The following WNT3 variants were observed in gnomAD, a reference collection of about 807,000 sequenced individuals.
WNT3 encodes Wnt family member 3.
WNT3 carries 7 observed loss-of-function variants against 34.2 expected under a neutral mutation model. The ratio of observed to expected loss-of-function variants is 0.20; its 90% CI spans 0.12 to 0.38. WNT3 has a LOEUF of 0.38. WNT3 is among the 10% of genes least tolerant of loss of function. WNT3 has a pLI of 1.00. For synonymous variants in WNT3, 212 were observed against 211.5 expected, an observed-to-expected ratio of 1.00 and a Z score of -0.02; for missense variants, 267 against 499.8, an observed-to-expected ratio of 0.53 and a Z score of 4.44.
intron 1 of WNT3, among the ~76,000 whole-genome samples, chr17:46,799,464 T>C (rs1194443184): frequency 1.6e-4 from 17 of 105,130 alleles, no homozygotes; most frequent in Non-Finnish European, 2.4e-4. Context: ...TTTTTTTTTT[T>C]CGAGATGGAG....
intron 1 of WNT3, among the ~76,000 whole-genome samples, chr17:46,800,107 C>T: frequency 6.6e-6 from 1 of 151,914 alleles, no homozygotes; most frequent in Non-Finnish European, 1.5e-5. Flanking sequence ...AACAGAATTC[C>T]TATTTATTTA....
intron 1 of WNT3, among the ~76,000 whole-genome samples, chr17:46,791,865 C>T (rs879327787): frequency 6.6e-5 from 10 of 152,136 alleles, no homozygotes; most frequent in South Asian, 2.1e-4. Context: ...CACAGCGAGA[C>T]GCTGTCTCTA....
intron 4 of WNT3, among the ~76,000 whole-genome samples, chr17:46,765,790 C>G (rs2059307281): frequency 6.6e-6 from 1 of 152,234 alleles, no homozygotes; most frequent in Non-Finnish European, 1.5e-5. Context: ...CTGGGCCAGG[C>G]CCTTCATGTG....
chr17:46,794,152 A>G (rs897623773), intron 1 of WNT3, among the ~76,000 whole-genome samples: 1 of 151,988 alleles, frequency 6.6e-6, no homozygotes, highest in Non-Finnish European at 1.5e-5. Flanking sequence ...GAAGGAGGAC[A>G]TAGAACAGGG....
chr17:46,784,614 G>A (rs1196924874), intron 1 of WNT3, among the ~76,000 whole-genome samples: 1 of 152,078 alleles, frequency 6.6e-6, no homozygotes, highest in Non-Finnish European at 1.5e-5. Flanking sequence ...GGGCTCTCCC[G>A]AAACCTCAGC....
chr17:46,774,350 ACG>A (rs752128701), intron 1 of WNT3, among the ~76,000 whole-genome samples: 1 of 152,204 alleles, frequency 6.6e-6, no homozygotes, highest in Middle Eastern at 3.4e-3. Flanking sequence ...CTCATGGGAC[ACG>A]CGCGCGCGCG....
At chr17:46,771,987 G>A (rs972603610) in intron 2 of WNT3, among the ~76,000 whole-genome samples, 1 of 150,184 alleles carries the variant, frequency 6.7e-6, no homozygotes, top group African/African-American at 2.4e-5. Flanking sequence ...CCCCAGACTC[G>A]CGGAAGACGC....
intron 1 of WNT3, among the ~76,000 whole-genome samples, chr17:46,788,730 A>G (rs980757993): frequency 1.3e-5 from 2 of 151,794 alleles, no homozygotes; most frequent in African/African-American, 4.9e-5. Context: ...CAGCAGGTGC[A>G]GTGGCCCTGC....
chr17:46,787,236 C>T (rs1294495346), intron 1 of WNT3, among the ~76,000 whole-genome samples: 1 of 148,494 alleles, frequency 6.7e-6, no homozygotes, highest in Non-Finnish European at 1.5e-5. Flanking sequence ...CCAGCGTGCC[C>T]AGCCAATAAA....
intron 1 of WNT3, among the ~76,000 whole-genome samples, chr17:46,796,541 A>G (rs2084056517): frequency 6.6e-6 from 1 of 152,206 alleles, no homozygotes; most frequent in African/African-American, 2.4e-5. Flanking sequence ...AAGGAGTTGG[A>G]TGAGAGATCC....
chr17:46,815,081 A>G (rs2084323651), intron 1 of WNT3, among the ~76,000 whole-genome samples: 1 of 152,060 alleles, frequency 6.6e-6, no homozygotes, highest in Non-Finnish European at 1.5e-5. Flanking sequence ...TGAGCTCCTG[A>G]TCTCCAGCAG....
At chr17:46,799,162 G>A (rs2084092232) in intron 1 of WNT3, among the ~76,000 whole-genome samples, 1 of 152,104 alleles carries the variant, frequency 6.6e-6, no homozygotes, top group Non-Finnish European at 1.5e-5. Flanking sequence ...CAGAACGCAA[G>A]GTCATGCCAG....
In WNT3 at chr17:46,768,439, G is replaced by T. The variant is rs1350801842; in HGVS notation, c.949C>A (p.Arg317=). 1 of 1,614,066 alleles carries T rather than the reference G, an allele frequency of 6.2e-7. No individual in the cohort carries two copies. Among genetic ancestry groups the T allele is most frequent in the East Asian group, 2.2e-5 (1 of 44,878 alleles). Residue 317 remains arginine, a synonymous_variant, in exon 4 of 5, where the codon CGG becomes AGG. Transcript: ENST00000225512. The surrounding 1 kb of genome is among the most constrained non-coding windows in gnomAD (Gnocchi z 5.0). The part of the protein sequence containing the change: ...IDGCDLLCCG[R]GHNTRTEKRK... ...TTCTCCGTCCTCGTGTTGTGGCCCC[G>T]GCCACAGCAGAGCAGATCGCAGCCA... is the stretch of plus-strand genomic sequence containing the variant.
chr17:46,804,020 C>T (rs890558632), intron 1 of WNT3, among the ~76,000 whole-genome samples: 1 of 152,118 alleles, frequency 6.6e-6, no homozygotes, highest in Admixed American at 6.6e-5. Flanking sequence ...TCCATCCTTG[C>T]ACCTGCATTG....
intron 1 of WNT3, among the ~76,000 whole-genome samples, chr17:46,784,683 C>T (rs1018418562): frequency 4.6e-5 from 7 of 151,998 alleles, no homozygotes; most frequent in Admixed American, 2.6e-4. Context: ...TTCCATATTC[C>T]GGACGAGGTC....
rs953282660 is a variant in WNT3, at chr17:46,768,923, G to C, written c.589-124C>G. The C allele has an allele frequency of 1.4e-6, 2 of 1,422,800 alleles. No individual in the cohort carries two copies. The highest frequency in any genetic ancestry group is 1.9e-6 in the Non-Finnish European group (2 of 1,065,000). 88.1% of individuals were successfully genotyped at this position (1,422,800 alleles called of 1,614,324 possible). The stretch of plus-strand genomic sequence containing the variant: ...CTTCTCTACTCCTCTGTGACAGGAA[G>C]AGAACTGATGGGGACTGAGGCAAGA... On this transcript the variant is annotated intron_variant, in intron 3 of 4. Coordinates refer to ENST00000225512, the MANE Select transcript of WNT3 (RefSeq NM_030753.5). This position sits in a 1 kb window ranked among gnomAD's most constrained non-coding sequence, Gnocchi z 5.0.
chr17:46,811,852 G>A (rs1056496731), intron 1 of WNT3, among the ~76,000 whole-genome samples: 1 of 152,220 alleles, frequency 6.6e-6, no homozygotes, highest in Non-Finnish European at 1.5e-5. Flanking sequence ...AGCTACTCGG[G>A]AGGCTGAGGC....
chr17:46,784,519 G>A (rs1183163082), intron 1 of WNT3, among the ~76,000 whole-genome samples: 5 of 152,148 alleles, frequency 3.3e-5, no homozygotes, highest in Non-Finnish European at 7.4e-5. Context: ...GCCAAGGGGT[G>A]GAGGCACCAG....
chr17:46,764,941 G>A (rs1260457879), intron 4 of WNT3, among the ~76,000 whole-genome samples: 6 of 152,242 alleles, frequency 3.9e-5, no homozygotes, highest in African/African-American at 1.2e-4. Flanking sequence ...AACGGTGCCT[G>A]GCCGAGGGCC....
Sources: gnomAD v4.1 joint callset for allele counts (sites outside exome capture counted in the v4.1 genomes callset) on GRCh38, gnomAD v4.1.1 for gene constraint, Gnocchi (gnomAD v3.1) non-coding constraint, MANE v1.5 for transcripts, NCBI Gene and HGNC (gene_info 2026-07-23, HGNC 2026-07-21) for gene names.